The following KIRREL3 variants were observed in gnomAD, a reference collection of about 807,000 sequenced individuals.
KIRREL3 encodes the protein kirre like nephrin family adhesion molecule 3, also known as kin of IRRE-like protein 3.
A neutral mutation model predicts 89.7 loss-of-function variants in KIRREL3; 36 were observed. The observed-to-expected ratio is 0.40, with a 90% CI of 0.31 to 0.53. The LOEUF is 0.53. KIRREL3 is among the 20% of genes least tolerant of loss of function. The probability of loss-of-function intolerance (pLI) is 0.49; values close to 1 mark genes in which losing one functional copy is unlikely to be tolerated. For missense variants in KIRREL3, 864 were observed against 1,056.6 expected (o/e 0.82, Z 2.53); for synonymous variants, 445 against 441.4 (o/e 1.01, Z -0.10).
rs1009457117 is a variant in KIRREL3, at chr11:126,475,587, G to A, written c.434-2121C>T. On this transcript the variant is annotated intron_variant, in intron 4 of 16. Coordinates refer to ENST00000525144, the MANE Select transcript of KIRREL3 (RefSeq NM_032531.4). This position sits in a 1 kb window ranked among gnomAD's most constrained non-coding sequence, Gnocchi z 7.5. ...CGGACTCCACCGAGATCCTGGCTCA[G>A]GAACAGAGTCTGCCTCAGGCAACCC... is the stretch of plus-strand genomic sequence containing the variant. 5.9e-5 allele frequency among the ~76,000 whole-genome samples: 9 copies of A among 152,206 alleles called. No homozygotes were observed. Among genetic ancestry groups the A allele is most frequent in the African/African-American group, 1.9e-4 (8 of 41,460 alleles).
In KIRREL3 at chr11:126,686,228, T is replaced by C. The variant is rs568271948; in HGVS notation, c.56-123316A>G. Among the ~76,000 whole-genome samples the C allele has an allele frequency of 7.5e-4, 114 of 152,306 alleles. No individual in the cohort carries two copies. The highest frequency in any genetic ancestry group is 2.5e-3 in the African/African-American group (102 of 41,566). ...GGGGCTTTCTCACGTGTGGCGCGGG[T>C]GTGGAGGCAGGTCTCCATGGATTGT... is the stretch of plus-strand genomic sequence containing the variant. On this transcript the variant is annotated intron_variant, in intron 1 of 16. Transcript: ENST00000525144. The surrounding 1 kb of genome is among the most constrained non-coding windows in gnomAD (Gnocchi z 4.7).
Position 126,630,599 on chromosome 11 carries a change from C to T in KIRREL3, c.56-67687G>A, listed in dbSNP as rs148196237. 4.9e-3 allele frequency among the ~76,000 whole-genome samples: 747 copies of T among 152,232 alleles called. 8 individuals carry two copies. Among genetic ancestry groups the T allele is most frequent in the African/African-American group, 0.017 (696 of 41,530 alleles). The stretch of plus-strand genomic sequence containing the variant: ...AGCTCTCAGGCTTTTCCTTATCCAG[C>T]AATGACTTACCTCTTACCTCTGCCT... On this transcript the variant is annotated intron_variant, in intron 1 of 16. Coordinates refer to ENST00000525144, the MANE Select transcript of KIRREL3 (RefSeq NM_032531.4).
chr11:126,751,739 A>G (rs1949344486), intron 1 of KIRREL3, among the ~76,000 whole-genome samples: 2 of 152,234 alleles, frequency 1.3e-5, no homozygotes, highest in African/African-American at 4.8e-5. Context: ...AGGGAAAACC[A>G]TAGAGGAGAA....
At chr11:126,451,139 G>A (rs1956109755) in intron 7 of KIRREL3, among the ~76,000 whole-genome samples, 1 of 151,490 alleles carries the variant, frequency 6.6e-6, no homozygotes, top group Admixed American at 6.6e-5. Context: ...GTGCATGTGT[G>A]TGCATGTGTA....
chr11:126,725,891 C>T (rs1948361026), intron 1 of KIRREL3, among the ~76,000 whole-genome samples: 1 of 152,214 alleles, frequency 6.6e-6, no homozygotes, highest in Non-Finnish European at 1.5e-5. Context: ...GTAAATCAGG[C>T]AGTTGGTCTG....
At chr11:126,759,007 G>A (rs1949589704) in intron 1 of KIRREL3, among the ~76,000 whole-genome samples, 1 of 152,190 alleles carries the variant, frequency 6.6e-6, no homozygotes, top group Non-Finnish European at 1.5e-5. Context: ...TTGCTGTCTT[G>A]TGTAAGCCAA....
At chr11:126,591,987 C>T (rs990618435) in intron 1 of KIRREL3, among the ~76,000 whole-genome samples, 3 of 152,162 alleles carry the variant, frequency 2.0e-5, no homozygotes, top group Non-Finnish European at 2.9e-5. Flanking sequence ...CTATCACATC[C>T]TTCAGGGTGC....
At chr11:126,448,100 C>G (rs888723221) in intron 8 of KIRREL3, among the ~76,000 whole-genome samples, 5 of 151,932 alleles carry the variant, frequency 3.3e-5, no homozygotes, top group Non-Finnish European at 7.4e-5. Flanking sequence ...TCCTGGCCAA[C>G]ATGGTGAAAC....
chr11:126,426,695 G>A (rs750351457), intron 15 of KIRREL3, among the ~76,000 whole-genome samples: 2 of 152,142 alleles, frequency 1.3e-5, no homozygotes, highest in African/African-American at 2.4e-5. Flanking sequence ...CTAGTTGCAC[G>A]GTATAGGTAG....
At position 126,642,272 on chromosome 11, in the gene KIRREL3, T is replaced by G. The variant is rs1333605915; in HGVS notation, c.56-79360A>C. On this transcript the variant is annotated intron_variant, in intron 1 of 16. Transcript: ENST00000525144. This position sits in a 1 kb window ranked among gnomAD's most constrained non-coding sequence, Gnocchi z 4.9. The stretch of plus-strand genomic sequence containing the variant: ...TGGGGTTGGTGGTTAGTTCTCACTT[T>G]CCCCATTTCTGAGACCAGCAAGAGG... 6.6e-6 allele frequency among the ~76,000 whole-genome samples: 1 copy of G among 152,226 alleles called. No individual in the cohort carries two copies. The highest frequency in any genetic ancestry group is 2.4e-5 in the African/African-American group (1 of 41,450).
At chr11:126,922,109 A>G (rs80195714) in intron 1 of KIRREL3, among the ~76,000 whole-genome samples, 1 of 114,576 alleles carries the variant, frequency 8.7e-6, no homozygotes, top group Non-Finnish European at 1.9e-5. Flanking sequence ...CTATCGATCT[A>G]TCTATCTGTC....
At chr11:126,781,786 G>C (rs1950333948) in intron 1 of KIRREL3, among the ~76,000 whole-genome samples, 4 of 152,036 alleles carry the variant, frequency 2.6e-5, no homozygotes, top group Admixed American at 2.6e-4. Flanking sequence ...TAGCTCTCAA[G>C]AATAAAAGGA....
intron 1 of KIRREL3, among the ~76,000 whole-genome samples, chr11:126,921,554 TA>T (rs1947293556): frequency 1.4e-5 from 1 of 69,064 alleles, no homozygotes; most frequent in African/African-American, 4.1e-5. Flanking sequence ...TTTCTATCTA[TA>T]TCTATCAATC....
intron 1 of KIRREL3, among the ~76,000 whole-genome samples, chr11:126,660,275 G>A (rs10893550): frequency 0.3 from 45,971 of 152,026 alleles, 7,183 homozygotes; most frequent in East Asian, 0.39. Context: ...GTCACTTGTG[G>A]TGCAGTTGGG....
In KIRREL3 at chr11:126,739,586, A is replaced by T. The variant is rs1948912735; in HGVS notation, c.56-176674T>A. 6.6e-6 allele frequency among the ~76,000 whole-genome samples: 1 copy of T among 152,144 alleles called. No homozygotes were observed. The highest frequency in any genetic ancestry group is 1.5e-5 in the Non-Finnish European group (1 of 68,036). The stretch of plus-strand genomic sequence containing the variant: ...TTCATACTCTTCCTGAAGGTATGTC[A>T]CCTGGCTTTGTATGACAGCATGTTA... On this transcript the variant is annotated intron_variant, in intron 1 of 16. Transcript: ENST00000525144. The surrounding 1 kb of genome is among the most constrained non-coding windows in gnomAD (Gnocchi z 5.5).
chr11:126,442,699 T>A (rs1415007614), intron 10 of KIRREL3, among the ~76,000 whole-genome samples: 1 of 152,288 alleles, frequency 6.6e-6, no homozygotes, highest in Non-Finnish European at 1.5e-5. Flanking sequence ...GCGTCCCCCC[T>A]CCCTCTGCCT....
In KIRREL3 at chr11:126,541,254, G is replaced by T. The variant is rs142618332; in HGVS notation, c.134-14567C>A. On this transcript the variant is annotated intron_variant, in intron 2 of 16. Coordinates refer to ENST00000525144, the MANE Select transcript of KIRREL3 (RefSeq NM_032531.4). This position sits in a 1 kb window ranked among gnomAD's most constrained non-coding sequence, Gnocchi z 4.8. ...GGCCCAGAAGGTACCAGTTGATGCT[G>T]CCTCTGCCACCTCTTAGCTGTGTGC... Among the ~76,000 whole-genome samples the T allele has an allele frequency of 2.0e-5, 3 of 152,304 alleles. No homozygotes were observed. Among genetic ancestry groups the T allele is most frequent in the African/African-American group, 7.2e-5 (3 of 41,574 alleles).
intron 13 of KIRREL3, among the ~76,000 whole-genome samples, chr11:126,434,304 G>A (rs1427397814): frequency 6.6e-6 from 1 of 152,244 alleles, no homozygotes; most frequent in Non-Finnish European, 1.5e-5. Context: ...AGCTCTGGAT[G>A]AGTGTCAGCA....
intron 1 of KIRREL3, among the ~76,000 whole-genome samples, chr11:126,913,741 T>A (rs1946920031): frequency 1.3e-5 from 2 of 152,192 alleles, no homozygotes; most frequent in South Asian, 4.1e-4. Flanking sequence ...AAAAAGTGCC[T>A]CCTCTCAAGT....
Sources: gnomAD v4.1 joint callset for allele counts (sites outside exome capture counted in the v4.1 genomes callset) on GRCh38, gnomAD v4.1.1 for gene constraint, Gnocchi (gnomAD v3.1) non-coding constraint, MANE v1.5 for transcripts, NCBI Gene and HGNC (gene_info 2026-07-23, HGNC 2026-07-21) for gene names.